The following DOCK2 variants were observed in gnomAD, a reference collection of about 807,000 sequenced individuals.
The protein encoded by DOCK2 is dedicator of cytokinesis protein 2.
Under a neutral mutation model 248.9 loss-of-function variants are expected in DOCK2, and 87 were observed. The observed-to-expected ratio is 0.35, with a 90% CI of 0.29 to 0.42. The LOEUF (loss-of-function observed/expected upper bound fraction) is 0.42. Among genes scored for constraint, DOCK2 ranks in the 10% least tolerant of loss-of-function variants. DOCK2 has a pLI of 1.00. For missense variants in DOCK2, 1,747 were observed against 2,300.2 expected, an observed-to-expected ratio of 0.76 and a Z score of 4.92; for synonymous variants, 805 against 821.6, an observed-to-expected ratio of 0.98 and a Z score of 0.35.
At chr5:169,896,186 G>A (rs945444417) in intron 27 of DOCK2, among the ~76,000 whole-genome samples, 4 of 152,096 alleles carry the variant, frequency 2.6e-5, no homozygotes, top group Non-Finnish European at 4.4e-5. Flanking sequence ...GTCGGGGGGC[G>A]GGGAGGCAGT....
intron 27 of DOCK2, among the ~76,000 whole-genome samples, chr5:169,933,164 C>G (rs554960913): frequency 1.3e-5 from 2 of 152,186 alleles, no homozygotes; most frequent in African/African-American, 4.8e-5. Context: ...AATAATTCAC[C>G]TTTTGGTGTA....
Position 170,032,474 on chromosome 5 carries a change from A to G in DOCK2, c.3468-1925A>G, listed in dbSNP as rs566689548. On this transcript the variant is annotated intron_variant, in intron 34 of 51. Transcript: ENST00000520908. The stretch of plus-strand genomic sequence containing the variant: ...TTGTAAAAGCTCCCCTGGTGATTCT[A>G]TCATGTGACCAGGGCTGAGAACCTC... Among the ~76,000 whole-genome samples, 78 of 152,294 alleles carry G rather than the reference A, an allele frequency of 5.1e-4. 1 individual carries two copies. Among genetic ancestry groups the G allele is most frequent in the African/African-American group, 1.8e-3 (73 of 41,568 alleles).
At chr5:169,968,395 T>C (rs1251408355) in intron 27 of DOCK2, among the ~76,000 whole-genome samples, 1 of 152,146 alleles carries the variant, frequency 6.6e-6, no homozygotes, top group Non-Finnish European at 1.5e-5. Flanking sequence ...GTGTCAGGCA[T>C]TGAGGATACA....
At chr5:169,926,167 C>T (rs1260471009) in intron 27 of DOCK2, among the ~76,000 whole-genome samples, 1 of 152,128 alleles carries the variant, frequency 6.6e-6, no homozygotes, top group East Asian at 1.9e-4. Flanking sequence ...GTAGGAGTTC[C>T]TATAGTCGGC....
At chr5:169,925,122 C>G (rs1256413974) in intron 27 of DOCK2, among the ~76,000 whole-genome samples, 3 of 152,086 alleles carry the variant, frequency 2.0e-5, no homozygotes, top group Non-Finnish European at 4.4e-5. Context: ...TTCATCTGTT[C>G]TTTTTATGGA....
intron 28 of DOCK2, among the ~76,000 whole-genome samples, chr5:169,983,618 C>T (rs6873253): frequency 0.15 from 23,302 of 152,194 alleles, 2,216 homozygotes; most frequent in Non-Finnish European, 0.21. Context: ...ACCATCTGCC[C>T]GTGGCCTGTG....
chr5:169,997,937 T>C (rs1328708975), intron 30 of DOCK2: 10 of 456,234 alleles, frequency 2.2e-5, no homozygotes, highest in Non-Finnish European at 4.0e-5. Context: ...AAGTGAGTCA[T>C]CTGTAAAATG....
intron 44 of DOCK2, among the ~76,000 whole-genome samples, chr5:170,060,158 G>A (rs1338210725): frequency 1.3e-5 from 2 of 152,098 alleles, no homozygotes; most frequent in Non-Finnish European, 2.9e-5. Context: ...GTTTTATTTT[G>A]TTCTTGTTCT....
chr5:169,895,776 T>C (rs140160283), intron 27 of DOCK2, among the ~76,000 whole-genome samples: 50 of 152,302 alleles, frequency 3.3e-4, no homozygotes, highest in Middle Eastern at 3.4e-3. Context: ...CTAGGACAAG[T>C]CATCTCATAT....
intron 1 of DOCK2, among the ~76,000 whole-genome samples, chr5:169,651,951 A>C (rs996541669): frequency 1.3e-5 from 2 of 152,222 alleles, no homozygotes; most frequent in African/African-American, 4.8e-5. Flanking sequence ...CTTGTTCAGG[A>C]GATAATATAA....
In DOCK2 at chr5:169,972,701, C is replaced by G. The variant is rs1449329733; in HGVS notation, c.2800-10367C>G. Reference sequence around the variant, plus strand: ...TGGACCATCATCATACCTGACATAGCTCCTTACACACAATAAGTGCTAAAT... The same window carrying G: ...TGGACCATCATCATACCTGACATAGGTCCTTACACACAATAAGTGCTAAAT... On this transcript the variant is annotated intron_variant, in intron 27 of 51. Transcript: ENST00000520908. Among the ~76,000 whole-genome samples, 6 of 152,244 alleles carry G rather than the reference C, an allele frequency of 3.9e-5. No individual in the cohort carries two copies. In the East Asian group the frequency reaches 9.6e-4, roughly 24 times the overall value.
chr5:170,013,185 A>G (rs1283256854), intron 32 of DOCK2, among the ~76,000 whole-genome samples: 3 of 151,466 alleles, frequency 2.0e-5, no homozygotes, highest in African/African-American at 7.4e-5. Flanking sequence ...CAACCAGCCC[A>G]GCAAGCATGG....
chr5:170,031,635 A>G (rs1390240599), intron 34 of DOCK2, among the ~76,000 whole-genome samples: 2 of 152,184 alleles, frequency 1.3e-5, no homozygotes, highest in African/African-American at 2.4e-5. Flanking sequence ...ATTTTTATCT[A>G]TGTTTCCCAT....
intron 1 of DOCK2, among the ~76,000 whole-genome samples, chr5:169,649,018 C>T (rs556690829): frequency 7.2e-5 from 11 of 152,326 alleles, no homozygotes; most frequent in African/African-American, 1.9e-4. Context: ...TGCCTCAGTG[C>T]GGAGGCTGTC....
At chr5:169,699,339 G>A (rs1232970675) in intron 11 of DOCK2, 43 bp from the exon 12 acceptor site, 2 of 1,592,200 alleles carry the variant, frequency 1.3e-6, no homozygotes, top group Non-Finnish European at 1.7e-6. Flanking sequence ...GAAACGCAAG[G>A]AGGACACGAT....
chr5:169,953,921 C>G (rs1776765687), intron 27 of DOCK2, among the ~76,000 whole-genome samples: 1 of 152,176 alleles, frequency 6.6e-6, no homozygotes, highest in South Asian at 2.1e-4. Flanking sequence ...GTAACTACCT[C>G]AAGAATTGTC....
intron 35 of DOCK2, among the ~76,000 whole-genome samples, chr5:170,034,773 G>A (rs1256152052): frequency 6.6e-6 from 1 of 152,196 alleles, no homozygotes; most frequent in Non-Finnish European, 1.5e-5. Flanking sequence ...TATAACATGA[G>A]ATTAATGCAT....
At chr5:169,758,263 A>G (rs1764298472) in intron 23 of DOCK2, among the ~76,000 whole-genome samples, 1 of 152,220 alleles carries the variant, frequency 6.6e-6, no homozygotes. Context: ...ATGTATATTT[A>G]CATACACACA....
At chr5:169,947,075 C>A (rs764427559) in intron 27 of DOCK2, among the ~76,000 whole-genome samples, 2 of 152,170 alleles carry the variant, frequency 1.3e-5, no homozygotes, top group Non-Finnish European at 2.9e-5. Context: ...CTGCAACATA[C>A]GTTTATCTTT....
Sources: gnomAD v4.1 joint callset for allele counts (sites outside exome capture counted in the v4.1 genomes callset) on GRCh38, gnomAD v4.1.1 for gene constraint, MANE v1.5 for transcripts, NCBI Gene and HGNC (gene_info 2026-07-23, HGNC 2026-07-21) for gene names.